KDM4C: variants seen among roughly 807,000 people sequenced by gnomAD.
KDM4C encodes lysine-specific demethylase 4C.
KDM4C carries 81 observed loss-of-function variants against 129.3 expected under a neutral mutation model. The ratio of observed to expected loss-of-function variants is 0.63; its 90% CI spans 0.52 to 0.75. The LOEUF is 0.75. Among genes scored for constraint, KDM4C ranks in the 30% least tolerant of loss-of-function variants. The pLI is 0.00. For synonymous variants in KDM4C, 573 were observed against 456.1 expected, an observed-to-expected ratio of 1.26 and a Z score of -3.26; for missense variants, 1,457 against 1,304.0, an observed-to-expected ratio of 1.12 and a Z score of -1.81.
chr9:6,723,235 C>T (rs186843759), intron 1 of KDM4C, among the ~76,000 whole-genome samples: 18 of 151,776 alleles, frequency 1.2e-4, no homozygotes, highest in Middle Eastern at 3.4e-3. Flanking sequence ...GTTAGCCAGG[C>T]GTGGTGGTGG....
intron 21 of KDM4C, chr9:7,170,743 T>A (rs1472962377): frequency 1.0e-6 from 1 of 982,544 alleles, no homozygotes; most frequent in Non-Finnish European, 1.2e-6. Context: ...TGAGTGCTTA[T>A]GATATACTTG....
rs10976078 is a variant in KDM4C at position 7,160,515 on chromosome 9, C to T, written c.2782-4723C>T. ...TGGTGACCTACAGATCGGGTTTTGG[C>T]GTGGATGTCTTTTTTGTCGATGTTG... On this transcript the variant is annotated intron_variant, in intron 19 of 21. Coordinates refer to ENST00000381309, the MANE Select transcript of KDM4C (RefSeq NM_015061.6). 3.6e-3 allele frequency among the ~76,000 whole-genome samples: 544 copies of T among 152,200 alleles called. 2 individuals carry two copies. The highest frequency in any genetic ancestry group is 0.021 in the East Asian group (108 of 5,170).
chr9:6,935,087 A>AC (rs1415278486), intron 8 of KDM4C, among the ~76,000 whole-genome samples: 2 of 152,230 alleles, frequency 1.3e-5, no homozygotes, highest in East Asian at 3.9e-4. Context: ...AAGTTCCTTA[A>AC]CTACTGACTT....
At chr9:6,809,095 C>T (rs1043839741) in intron 3 of KDM4C, among the ~76,000 whole-genome samples, 1 of 152,172 alleles carries the variant, frequency 6.6e-6, no homozygotes, top group Non-Finnish European at 1.5e-5. Context: ...CTTGAAGACT[C>T]TTATTTCTGC....
intron 15 of KDM4C, among the ~76,000 whole-genome samples, chr9:7,033,298 C>T (rs979495680): frequency 2.0e-5 from 3 of 152,136 alleles, no homozygotes; most frequent in African/African-American, 4.8e-5. Flanking sequence ...CACCATTGGG[C>T]GGGTAGCCAA....
intron 17 of KDM4C, among the ~76,000 whole-genome samples, chr9:7,054,209 T>A (rs184902982): frequency 6.6e-6 from 1 of 152,324 alleles, no homozygotes; most frequent in Admixed American, 6.5e-5. Flanking sequence ...CCGTAGCCCA[T>A]CTAGGGGGTT....
intron 18 of KDM4C, among the ~76,000 whole-genome samples, chr9:7,110,278 A>C (rs13292853): frequency 6.6e-6 from 1 of 151,974 alleles, no homozygotes; most frequent in Non-Finnish European, 1.5e-5. Context: ...AAAGGTGCAC[A>C]TTACCATGTT....
intron 18 of KDM4C, among the ~76,000 whole-genome samples, chr9:7,119,490 T>A (rs1331876444): frequency 6.6e-6 from 1 of 152,140 alleles, no homozygotes; most frequent in African/African-American, 2.4e-5. Context: ...AACAGAAATT[T>A]AAAAAATATT....
At chr9:7,015,259 T>G (rs185825143) in intron 14 of KDM4C, among the ~76,000 whole-genome samples, 1 of 152,152 alleles carries the variant, frequency 6.6e-6, no homozygotes, top group African/African-American at 2.4e-5. Flanking sequence ...ATTTAAATAT[T>G]TCAGAATTCT....
chr9:6,911,723 C>T (rs981717994), intron 8 of KDM4C, among the ~76,000 whole-genome samples: 4 of 152,146 alleles, frequency 2.6e-5, no homozygotes, highest in African/African-American at 9.7e-5. Context: ...TTATTGTGGT[C>T]ATGAAGCTTT....
chr9:6,757,532 C>T (rs1267900835), upstream of KDM4C: 2 of 703,372 alleles, frequency 2.8e-6, no homozygotes, highest in Admixed American at 6.3e-5. Context: ...GGGAACACAG[C>T]GCTGTCATCG....
rs566025988 is a variant in KDM4C at position 6,790,518 on chromosome 9, T to C, written c.-17-2454T>C. Among the ~76,000 whole-genome samples, 101 of 151,048 alleles carry C rather than the reference T, an allele frequency of 6.7e-4. No individual in the cohort carries two copies. In the South Asian group the frequency reaches 8.0e-3, roughly 12 times the overall value. On this transcript the variant is annotated intron_variant, in intron 1 of 21. Transcript: ENST00000381309. ...ATCCGCCCGCCTCGGCCTCCCAGAGTGCGGGGATTATAGGCATGAGCCCTA... is the reference window on the plus strand; with the variant it reads ...ATCCGCCCGCCTCGGCCTCCCAGAGCGCGGGGATTATAGGCATGAGCCCTA...
chr9:6,986,355 T>C lies in KDM4C; in HGVS notation c.1366T>C (p.Leu456=). 1 of 1,608,484 alleles carries C rather than the reference T, an allele frequency of 6.2e-7. No individual in the cohort carries two copies. The highest frequency in any genetic ancestry group is 8.5e-7 in the Non-Finnish European group (1 of 1,175,546). Residue 456 remains leucine (L), a synonymous_variant, in exon 11 of 22, where the codon TTA becomes CTA. Coordinates refer to ENST00000381309, the MANE Select transcript of KDM4C (RefSeq NM_015061.6). ...DHIKLSGNSC[L]STSVTEDIKT... ...TGTTTTATCCTCAGGAAACAGCTGC[T>C]TAAGTACATCTGTAACAGAAGACAT...
intron 8 of KDM4C, among the ~76,000 whole-genome samples, chr9:6,910,758 A>C (rs1341657015): frequency 6.6e-6 from 1 of 152,236 alleles, no homozygotes; most frequent in Non-Finnish European, 1.5e-5. Context: ...GAATGTATTT[A>C]TTTGGATAGT....
rs530487366 is a variant in KDM4C at position 6,986,726 on chromosome 9, A to G, written c.1677+60A>G. ...TATATGGTGAGAGCACATTTTGAAA[A>G]CAACATGCTGTGCACTGAAATCCTC... On this transcript the variant is annotated intron_variant, in intron 11 of 21. Coordinates refer to ENST00000381309, the MANE Select transcript of KDM4C (RefSeq NM_015061.6). The G allele has an allele frequency of 7.4e-5, 93 of 1,252,630 alleles. No individual in the cohort carries two copies. In the African/African-American group the frequency reaches 1.2e-3, roughly 17 times the overall value. The allele number at this position is 1,252,630 out of a possible 1,614,324, so 77.6% of individuals were successfully genotyped here.
At chr9:7,058,100 A>T (rs1831119726) in intron 17 of KDM4C, among the ~76,000 whole-genome samples, 1 of 152,152 alleles carries the variant, frequency 6.6e-6, no homozygotes, top group South Asian at 2.1e-4. Flanking sequence ...GAGGAAATGA[A>T]TTCGACAATC....
At chr9:7,104,198 C>G (rs1360020639) in intron 18 of KDM4C, 1 of 249,462 alleles carries the variant, frequency 4.0e-6, no homozygotes, top group Non-Finnish European at 8.1e-6. Flanking sequence ...ACATTGTGCA[C>G]TGCACATATC....
intron 17 of KDM4C, among the ~76,000 whole-genome samples, chr9:7,095,510 C>T (rs1836316026): frequency 6.7e-6 from 1 of 148,676 alleles, no homozygotes; most frequent in Admixed American, 6.9e-5. Flanking sequence ...TCATAATAAA[C>T]AAAGATCTTT....
chr9:6,773,888 A>G (rs1010590470), intron 1 of KDM4C, among the ~76,000 whole-genome samples: 3 of 152,034 alleles, frequency 2.0e-5, no homozygotes, highest in Non-Finnish European at 4.4e-5. Context: ...ATACAAATGC[A>G]TAACCAAACC....
Sources: gnomAD v4.1 joint callset for allele counts (sites outside exome capture counted in the v4.1 genomes callset) on GRCh38, gnomAD v4.1.1 for gene constraint, MANE v1.5 for transcripts, NCBI Gene and HGNC (gene_info 2026-07-23, HGNC 2026-07-21) for gene names.